Variants in CFAP299 observed in about 807,000 individuals in gnomAD.
CFAP299 encodes cilia- and flagella-associated protein 299.
In CFAP299, 21 loss-of-function variants were observed where a neutral mutation model predicts 27.0. The ratio of observed to expected loss-of-function variants is 0.78; its 90% CI spans 0.55 to 1.12. The LOEUF is 1.12. Ranked by LOEUF, CFAP299 falls within the 50% of genes most tolerant of loss-of-function variation. CFAP299 has a pLI of 0.00. For missense variants in CFAP299, 310 were observed against 276.6 expected (o/e 1.12, Z -0.86); for synonymous variants, 104 against 98.1 (o/e 1.06, Z -0.36).
intron 2 of CFAP299, among the ~76,000 whole-genome samples, chr4:80,512,246 A>ATG (rs1285303221): frequency 7.4e-6 from 1 of 134,954 alleles, no homozygotes. Context: ...GTGTGTGTGC[A>ATG]TGTGTGTGTG....
intron 3 of CFAP299, among the ~76,000 whole-genome samples, chr4:80,595,257 C>T (rs1309525049): frequency 7.2e-6 from 1 of 139,324 alleles, no homozygotes; most frequent in African/African-American, 3.4e-5. Flanking sequence ...CAGCCTCCTC[C>T]CTCCCAAAGA....
chr4:80,553,645 T>C (rs1734640036), intron 2 of CFAP299, among the ~76,000 whole-genome samples: 1 of 152,006 alleles, frequency 6.6e-6, no homozygotes, highest in African/African-American at 2.4e-5. Context: ...CTGTTCTTTT[T>C]TGCCTTGCCA....
chr4:80,711,656 T>A (rs1205299932), intron 3 of CFAP299, among the ~76,000 whole-genome samples: 1 of 152,150 alleles, frequency 6.6e-6, no homozygotes, highest in Admixed American at 6.6e-5. Context: ...GGGTCCTAAC[T>A]CCCAGCTAAC....
chr4:80,330,119 A>G, the CFAP299 span, among the ~76,000 whole-genome samples: 2 of 152,114 alleles, frequency 1.3e-5, no homozygotes, highest in South Asian at 4.1e-4. Flanking sequence ...TTCAGGGTAA[A>G]AAGTGTGCAA....
At chr4:80,392,947 A>G (rs1169583289) in intron 2 of CFAP299, among the ~76,000 whole-genome samples, 1 of 152,186 alleles carries the variant, frequency 6.6e-6, no homozygotes, top group Non-Finnish European at 1.5e-5. Context: ...TCCTTCAGGA[A>G]ATATTCCAGA....
intron 2 of CFAP299, among the ~76,000 whole-genome samples, chr4:80,490,974 A>G (rs193270758): frequency 2.1e-4 from 31 of 149,744 alleles, no homozygotes; most frequent in Admixed American, 1.6e-3. Context: ...ATTTTAGGAA[A>G]GACAAAAATT....
intron 2 of CFAP299, among the ~76,000 whole-genome samples, chr4:80,512,865 C>A (rs963680547): frequency 2.6e-5 from 4 of 152,008 alleles, no homozygotes; most frequent in African/African-American, 9.7e-5. Flanking sequence ...CTCTATATTT[C>A]TCTTTCCCTC....
intron 3 of CFAP299, among the ~76,000 whole-genome samples, chr4:80,710,251 A>G (rs1362031337): frequency 6.6e-6 from 1 of 152,148 alleles, no homozygotes; most frequent in Non-Finnish European, 1.5e-5. Context: ...GCAGAGGATA[A>G]TAGGATCAAC....
At chr4:80,783,707 A>G (rs887921784) in intron 3 of CFAP299, among the ~76,000 whole-genome samples, 1 of 152,168 alleles carries the variant, frequency 6.6e-6, no homozygotes, top group African/African-American at 2.4e-5. Context: ...TGGGTTCTAA[A>G]ATAGAACCCA....
intron 3 of CFAP299, among the ~76,000 whole-genome samples, chr4:80,689,369 C>G (rs182173580): frequency 0.024 from 3,646 of 152,124 alleles, 56 homozygotes; most frequent in Non-Finnish European, 0.036. Flanking sequence ...CAAGCCAGAA[C>G]AGAGTGGGGG....
chr4:80,684,906 A>G (rs998243617), intron 3 of CFAP299, among the ~76,000 whole-genome samples: 1 of 152,120 alleles, frequency 6.6e-6, no homozygotes, highest in Non-Finnish European at 1.5e-5. Context: ...TGTGTATATT[A>G]TGTTTGTCCC....
chr4:80,916,192 G>A (rs1311529617), intron 4 of CFAP299, among the ~76,000 whole-genome samples: 1 of 143,938 alleles, frequency 6.9e-6, no homozygotes, highest in African/African-American at 2.6e-5. Context: ...AACCCAGGAG[G>A]CAGAGGTTGC....
At chr4:80,612,467 T>C (rs1209030365) in intron 3 of CFAP299, among the ~76,000 whole-genome samples, 6 of 152,132 alleles carry the variant, frequency 3.9e-5, no homozygotes. Flanking sequence ...CTGTAGTATC[T>C]ATTTCAAGCC....
At chr4:80,720,494 A>G (rs1188323905) in intron 3 of CFAP299, among the ~76,000 whole-genome samples, 2 of 152,102 alleles carry the variant, frequency 1.3e-5, no homozygotes, top group African/African-American at 4.8e-5. Context: ...AATTATAAGT[A>G]ATTTTACCAT....
intron 2 of CFAP299, among the ~76,000 whole-genome samples, chr4:80,447,634 G>GTATATTTTATGT (rs1407043495): frequency 6.6e-6 from 1 of 151,564 alleles, no homozygotes; most frequent in African/African-American, 2.4e-5. Context: ...TTTATGTTTA[G>GTATATTTTATGT]TAGAGATGGG....
chr4:80,869,105 G>A (rs1732925718), intron 3 of CFAP299, among the ~76,000 whole-genome samples: 1 of 152,114 alleles, frequency 6.6e-6, no homozygotes, highest in African/African-American at 2.4e-5. Context: ...TGTAGTGTGA[G>A]TCGCAAGAAG....
intron 4 of CFAP299, among the ~76,000 whole-genome samples, chr4:80,896,658 T>G (rs1346828131): frequency 6.6e-6 from 1 of 152,146 alleles, no homozygotes; most frequent in Non-Finnish European, 1.5e-5. Context: ...AGTTTTTCTC[T>G]GCTTCCATAT....
intron 3 of CFAP299, among the ~76,000 whole-genome samples, chr4:80,857,194 G>A (rs1012995917): frequency 6.6e-6 from 1 of 152,124 alleles, no homozygotes; most frequent in Admixed American, 6.5e-5. Context: ...CTCATGATTT[G>A]GCTCTCTGTT....
At chr4:80,523,959 T>C (rs989652349) in intron 2 of CFAP299, among the ~76,000 whole-genome samples, 1 of 152,096 alleles carries the variant, frequency 6.6e-6, no homozygotes, top group Non-Finnish European at 1.5e-5. Context: ...TTAACAAGAA[T>C]CAAATCATGC....
Sources: allele counts gnomAD v4.1 joint callset (sites outside exome capture counted in the v4.1 genomes callset), GRCh38; gene constraint gnomAD v4.1.1; transcripts MANE v1.5; gene names NCBI Gene and HGNC (gene_info 2026-07-23, HGNC 2026-07-21).